RBFOX2: variants seen among roughly 807,000 people sequenced by gnomAD.
RBFOX2 encodes the protein RNA binding fox-1 homolog 2, also known as RNA binding protein fox-1 homolog 2.
RBFOX2 carries 10 observed loss-of-function variants against 49.1 expected under a neutral mutation model. The ratio of observed to expected loss-of-function variants is 0.20; its 90% CI spans 0.13 to 0.35. The LOEUF (loss-of-function observed/expected upper bound fraction) is 0.35. Among genes scored for constraint, RBFOX2 ranks in the 10% least tolerant of loss-of-function variants. The probability of loss-of-function intolerance (pLI) is 1.00; values close to 1 mark genes in which losing one functional copy is unlikely to be tolerated. For missense variants in RBFOX2, 323 were observed against 486.9 expected (o/e 0.66, Z 3.17); for synonymous variants, 183 against 187.4 (o/e 0.98, Z 0.19).
chr22:35,826,096 C>T (rs1448449572), intron 1 of RBFOX2, among the ~76,000 whole-genome samples: 1 of 146,398 alleles, frequency 6.8e-6, no homozygotes, highest in African/African-American at 2.5e-5. Context: ...AATCCCAGCA[C>T]TTTGGGAAGC....
intron 8 of RBFOX2, among the ~76,000 whole-genome samples, chr22:35,760,913 A>G (rs150499841): frequency 6.6e-5 from 10 of 152,334 alleles, no homozygotes; most frequent in Non-Finnish European, 1.0e-4. Context: ...TATGCTCTAC[A>G]CATACTTGCT....
chr22:35,973,980 C>A (rs373351706), intron 1 of RBFOX2, among the ~76,000 whole-genome samples: 39 of 152,258 alleles, frequency 2.6e-4, no homozygotes, highest in African/African-American at 8.9e-4. Flanking sequence ...GGTGGGGTTC[C>A]CGAAACAGCA....
chr22:35,756,883 A>T (rs539004646), intron 9 of RBFOX2, among the ~76,000 whole-genome samples: 1 of 152,026 alleles, frequency 6.6e-6, no homozygotes, highest in Non-Finnish European at 1.5e-5. Context: ...AACCAAAAAT[A>T]CCCACAATGC....
chr22:35,945,846 T>C (rs532949507), intron 1 of RBFOX2, among the ~76,000 whole-genome samples: 13 of 152,308 alleles, frequency 8.5e-5, no homozygotes, highest in East Asian at 3.8e-4. Flanking sequence ...ACGAATCTGA[T>C]AGTATCTAAC....
At chr22:35,944,994 T>C (rs972104351) in intron 1 of RBFOX2, among the ~76,000 whole-genome samples, 7 of 152,160 alleles carry the variant, frequency 4.6e-5, no homozygotes, top group Non-Finnish European at 8.8e-5. Context: ...TCCCACTGCC[T>C]TTCTTCTGTG....
In RBFOX2 at chr22:35,783,942, C is replaced by G. The variant is rs984053664; in HGVS notation, c.253-2196G>C. Among the ~76,000 whole-genome samples the G allele has an allele frequency of 3.9e-5, 6 of 152,204 alleles. No individual in the cohort carries two copies. The South Asian group carries it at 6.2e-4, about 16-fold the overall frequency. On this transcript the variant is annotated intron_variant, in intron 2 of 11. Transcript: ENST00000405409. ...TTCCCAGTGAAGACAGGCACACCCCCCTGAAAACCACACCCTAGACTACAA... is the reference window on the plus strand; with the variant it reads ...TTCCCAGTGAAGACAGGCACACCCCGCTGAAAACCACACCCTAGACTACAA...
chr22:35,897,517 G>A, intron 1 of RBFOX2: 1 of 821,050 alleles, frequency 1.2e-6, no homozygotes, highest in South Asian at 1.3e-5. Context: ...GCAAAAGGTG[G>A]CAAGGGGTAC....
chr22:35,807,418 T>C (rs1022520912), intron 2 of RBFOX2, among the ~76,000 whole-genome samples: 1 of 151,794 alleles, frequency 6.6e-6, no homozygotes, highest in Non-Finnish European at 1.5e-5. Context: ...CCAAAGAAAT[T>C]AAATTATAAA....
chr22:36,027,612 C>G (rs2059494393), intron 1 of RBFOX2, among the ~76,000 whole-genome samples: 1 of 152,186 alleles, frequency 6.6e-6, no homozygotes, highest in South Asian at 2.1e-4. Context: ...TGTCTAGTGT[C>G]TCCCTTCAGA....
intron 9 of RBFOX2, chr22:35,748,033 C>G (rs1205131624): frequency 6.6e-6 from 1 of 152,130 alleles, no homozygotes; most frequent in Non-Finnish European, 1.5e-5. Context: ...TTAGAAATAC[C>G]TATAATTTCT....
chr22:36,005,102 A>G (rs2146295506), intron 1 of RBFOX2, among the ~76,000 whole-genome samples: 1 of 152,232 alleles, frequency 6.6e-6, no homozygotes, highest in East Asian at 1.9e-4. Context: ...CTGGCTTAAT[A>G]CTGGCTGTAT....
intron 1 of RBFOX2, among the ~76,000 whole-genome samples, chr22:35,910,707 G>C (rs1265633017): frequency 6.6e-6 from 1 of 152,138 alleles, no homozygotes; most frequent in Non-Finnish European, 1.5e-5. Context: ...TTATGTGTCT[G>C]AATGCATGCA....
chr22:35,910,143 A>G (rs2049625248), intron 1 of RBFOX2, among the ~76,000 whole-genome samples: 1 of 152,208 alleles, frequency 6.6e-6, no homozygotes, highest in Non-Finnish European at 1.5e-5. Context: ...AAAGCCAATG[A>G]AGTCACTTCC....
intron 2 of RBFOX2, among the ~76,000 whole-genome samples, chr22:35,791,847 T>C (rs1947734053): frequency 1.3e-5 from 2 of 152,212 alleles, no homozygotes; most frequent in African/African-American, 2.4e-5. Context: ...ATACTTTCCA[T>C]AGACTCAAAT....
At chr22:35,918,565 C>A (rs576536092) in intron 1 of RBFOX2, among the ~76,000 whole-genome samples, 2 of 152,158 alleles carry the variant, frequency 1.3e-5, no homozygotes, top group Admixed American at 1.3e-4. Flanking sequence ...AATAATCTTA[C>A]AAATGCCAGC....
chr22:35,983,171 G>T (rs1284230740), intron 1 of RBFOX2, among the ~76,000 whole-genome samples: 1 of 152,168 alleles, frequency 6.6e-6, no homozygotes, highest in Non-Finnish European at 1.5e-5. Context: ...TTTTCAACAA[G>T]GTGCTGGAAA....
chr22:35,975,555 T>C (rs1464326855), intron 1 of RBFOX2, among the ~76,000 whole-genome samples: 1 of 152,222 alleles, frequency 6.6e-6, no homozygotes, highest in Non-Finnish European at 1.5e-5. Flanking sequence ...TTCTAGGTAT[T>C]TCCTTTTATC....
chr22:35,989,455 G>T (rs1012761540), intron 1 of RBFOX2, among the ~76,000 whole-genome samples: 1 of 151,966 alleles, frequency 6.6e-6, no homozygotes. Flanking sequence ...TCGCAAGGGG[G>T]TTAATGGTGA....
exon 12 of RBFOX2, chr22:35,740,424 C>T (rs1929298896): frequency 6.5e-6 from 1 of 152,682 alleles, no homozygotes; most frequent in African/African-American, 2.4e-5. Context: ...AATAAAAACA[C>T]ACAAATTTAC....
Sources: gnomAD v4.1 joint callset for allele counts (sites outside exome capture counted in the v4.1 genomes callset) on GRCh38, gnomAD v4.1.1 for gene constraint, MANE v1.5 for transcripts, NCBI Gene and HGNC (gene_info 2026-07-23, HGNC 2026-07-21) for gene names.